The following MYDGF variants were observed in gnomAD, a reference collection of about 807,000 sequenced individuals.
MYDGF encodes the protein myeloid-derived growth factor.
A neutral mutation model predicts 24.2 loss-of-function variants in MYDGF; 29 were observed. The observed-to-expected ratio is 1.20, with a 90% CI of 0.89 to 1.63. The LOEUF (loss-of-function observed/expected upper bound fraction) is 1.63, where lower values mean the gene tolerates loss of function less well. MYDGF is among the 40% of genes most tolerant of loss of function. The pLI is 0.00. For missense variants in MYDGF, 245 were observed against 234.8 expected (o/e 1.04, Z -0.29); for synonymous variants, 105 against 102.5 (o/e 1.02, Z -0.15).
At chr19:4,669,554 G>A (rs2088546949) in intron 1 of MYDGF, among the ~76,000 whole-genome samples, 1 of 152,120 alleles carries the variant, frequency 6.6e-6, no homozygotes, top group Non-Finnish European at 1.5e-5. Flanking sequence ...GAAGGCTAAG[G>A]ATGCAGTGAG....
intron 3 of MYDGF, among the ~76,000 whole-genome samples, chr19:4,662,973 C>G (rs1399607650): frequency 6.6e-6 from 1 of 151,926 alleles, no homozygotes; most frequent in Non-Finnish European, 1.5e-5. Flanking sequence ...AATCTGTGCC[C>G]TCCCCTCCTC....
chr19:4,670,241 C>A lies in MYDGF; in HGVS notation c.94G>T (p.Val32Leu). Residue 32 changes from valine to leucine, a missense_variant, in exon 1 of 6, where the codon GTG (valine) becomes TTG (leucine). By Grantham distance (32) the Val-to-Leu change is conservative (BLOSUM62 1). Coordinates refer to ENST00000262947, the MANE Select transcript of MYDGF (RefSeq NM_019107.4). ...GAVALRPAEA[V>L]SEPTTVAFDV... ...AACGCCACCGTCGTGGGCTCGGACA[C>A]CGCCTCCGCCGGCCTCAGCGCCACG... 6.4e-7 allele frequency: 1 copy of A among 1,566,150 alleles called. No individual in the cohort carries two copies. Among genetic ancestry groups the A allele is most frequent in the African/African-American group, 1.4e-5 (1 of 71,188 alleles).
chr19:4,662,260 G>A (rs1344557506), intron 3 of MYDGF, among the ~76,000 whole-genome samples: 3 of 152,212 alleles, frequency 2.0e-5, no homozygotes, highest in African/African-American at 7.2e-5. Context: ...ATTTGTCAAC[G>A]TGCTTTAACC....
At chr19:4,665,043 C>A in intron 2 of MYDGF, 106 bp from the exon 3 acceptor site, 1 of 1,244,410 alleles carries the variant, frequency 8.0e-7, no homozygotes, top group South Asian at 1.4e-5. Flanking sequence ...CTGTACCTCC[C>A]GATTCAGGGG....
chr19:4,663,034 G>A (rs1044163601), intron 3 of MYDGF, among the ~76,000 whole-genome samples: 41 of 139,044 alleles, frequency 2.9e-4, no homozygotes, highest in Admixed American at 1.1e-3. Flanking sequence ...CTCCCACTCC[G>A]TCCTCATTCT....
intron 1 of MYDGF, among the ~76,000 whole-genome samples, chr19:4,669,448 C>G (rs2088546088): frequency 6.6e-6 from 1 of 152,130 alleles, no homozygotes; most frequent in Non-Finnish European, 1.5e-5. Context: ...GAGGCTCCAT[C>G]TCAAACAACA....
Position 4,670,156 on chromosome 19 carries a change from C to T in MYDGF, c.174+5G>A. ...TCAAATATCCGGGACGGCGGTGGCA[C>T]GTACCCCCGGGCCCACGTTATGGGA... On this transcript the variant is annotated splice_donor_5th_base_variant and intron_variant, in intron 1 of 5. Coordinates refer to ENST00000262947, the MANE Select transcript of MYDGF (RefSeq NM_019107.4). 5 of 1,521,520 alleles carry T rather than the reference C, an allele frequency of 3.3e-6. No individual in the cohort carries two copies. The highest frequency in any genetic ancestry group is 4.4e-6 in the Non-Finnish European group (5 of 1,133,870). 94.3% of individuals were successfully genotyped at this position (1,521,520 alleles called of 1,614,324 possible).
At chr19:4,663,645 CT>C (rs1160751109) in intron 3 of MYDGF, among the ~76,000 whole-genome samples, 4 of 119,426 alleles carry the variant, frequency 3.3e-5, no homozygotes, top group African/African-American at 6.5e-5. Flanking sequence ...CCCTCCCCAC[CT>C]CATCCTCATT....
chr19:4,666,265 CA>C (rs1568288126), intron 2 of MYDGF, among the ~76,000 whole-genome samples: 1 of 151,810 alleles, frequency 6.6e-6, no homozygotes, highest in Non-Finnish European at 1.5e-5. Context: ...GATCTCAAAA[CA>C]TACAGTTTTA....
chr19:4,665,230 T>C (rs2088511509), intron 2 of MYDGF, among the ~76,000 whole-genome samples: 1 of 152,192 alleles, frequency 6.6e-6, no homozygotes, highest in Non-Finnish European at 1.5e-5. Flanking sequence ...TTTGTTTGTT[T>C]GTTTGTTTTT....
intron 4 of MYDGF, 63 bp downstream of exon 4, chr19:4,660,606 T>C (rs563281083): frequency 1.4e-6 from 2 of 1,457,004 alleles, no homozygotes; most frequent in African/African-American, 2.8e-5. Context: ...TGGCAGGACA[T>C]CTCACAGCTG....
At chr19:4,665,164 T>G (rs2088510971) in intron 2 of MYDGF, among the ~76,000 whole-genome samples, 1 of 152,210 alleles carries the variant, frequency 6.6e-6, no homozygotes. Context: ...GTGCCTCTAA[T>G]GAGAACTACC....
rs2088432996 is a variant in MYDGF, at chr19:4,657,661, G to A, written c.*344C>T. 2 of 205,796 alleles carry A rather than the reference G, an allele frequency of 9.7e-6. No individual in the cohort carries two copies. Among genetic ancestry groups the A allele is most frequent in the Non-Finnish European group, 1.9e-5 (2 of 102,892 alleles). The allele number at this position is 205,796 out of a possible 1,614,324, so 12.7% of individuals were successfully genotyped here. On this transcript the variant is annotated 3_prime_UTR_variant, in exon 6 of 6. Coordinates refer to ENST00000262947, the MANE Select transcript of MYDGF (RefSeq NM_019107.4). ...GAAAGCAGTTCTGCAGGCTCATGAA[G>A]GATGCTCGGCTGGAGGTCGGGGGGA...
chr19:4,660,964 ATTT>A (rs10718244), intron 3 of MYDGF, among the ~76,000 whole-genome samples: 31 of 99,166 alleles, frequency 3.1e-4, no homozygotes, highest in Admixed American at 3.4e-4. Flanking sequence ...TTGTGCCAGA[ATTT>A]TTTTTTTTTT....
chr19:4,658,186 GAGCAGTCTCCAA>G (rs2088438388), intron 5 of MYDGF, 102 bp from the exon 6 acceptor site: 9 of 962,540 alleles, frequency 9.4e-6, no homozygotes, highest in Middle Eastern at 2.2e-4. Context: ...CAGGCAAGGG[GAGCAGTCTCCAA>G]AGCAGACTCC....
chr19:4,666,976 T>A (rs1025101462), intron 2 of MYDGF, among the ~76,000 whole-genome samples: 2 of 152,136 alleles, frequency 1.3e-5, no homozygotes, highest in South Asian at 2.1e-4. Context: ...CAGATTTCAG[T>A]TCCTCTTGGT....
chr19:4,668,557 C>T, intron 2 of MYDGF, 38 bp downstream of exon 2: 1 of 1,570,382 alleles, frequency 6.4e-7, no homozygotes, highest in Non-Finnish European at 8.8e-7. Flanking sequence ...ACAATGGATA[C>T]TGTCACAGTA....
chr19:4,668,660 G>GA lies in MYDGF; in HGVS notation c.175-16dup, dbSNP rs748682317. The GA allele has an allele frequency of 1.5e-5, 24 of 1,605,588 alleles. No homozygotes were observed. The highest frequency in any genetic ancestry group is 1.8e-4 in the Middle Eastern group (1 of 5,668). The stretch of plus-strand genomic sequence containing the variant: ...GTATATTTGTCCTAGAGAATGGAAG[G>GA]AAAAAAAAGGTTTGGTAGAAGGAAA... On this transcript the variant is annotated splice_polypyrimidine_tract_variant and intron_variant, in intron 1 of 5. Coordinates refer to ENST00000262947, the MANE Select transcript of MYDGF (RefSeq NM_019107.4).
At position 4,668,632 on chromosome 19, in the gene MYDGF, C is replaced by T. The variant is rs773946741; in HGVS notation, c.188G>A (p.Cys63Tyr). ...HNVGPGDKYT[C>Y]MFTYASQGGT... ...TCCTTGAGAGGCGTAAGTGAACATACACGTATATTTGTCCTAGAGAATGGA... is the reference window on the plus strand; with the variant it reads ...TCCTTGAGAGGCGTAAGTGAACATATACGTATATTTGTCCTAGAGAATGGA... The change falls in exon 2 of 6, where the codon TGT (cysteine) becomes TAT (tyrosine). Residue 63 changes from cysteine (C) to tyrosine (Y), a missense_variant. Transcript: ENST00000262947. The T allele has an allele frequency of 2.5e-6, 4 of 1,612,806 alleles. No individual in the cohort carries two copies. The Admixed American group carries it at 6.7e-5, about 27-fold the overall frequency.
Sources: gnomAD v4.1 joint callset for allele counts (sites outside exome capture counted in the v4.1 genomes callset) on GRCh38, gnomAD v4.1.1 for gene constraint, MANE v1.5 for transcripts, NCBI Gene and HGNC (gene_info 2026-07-23, HGNC 2026-07-21) for gene names.